SRCIN1: variants seen among roughly 807,000 people sequenced by gnomAD.
SRCIN1 encodes the protein SRC kinase signaling inhibitor 1.
A neutral mutation model predicts 116.2 loss-of-function variants in SRCIN1; 50 were observed. That is an observed-to-expected ratio of 0.43 (90% CI 0.34 to 0.54). SRCIN1 has a LOEUF of 0.54. Ranked by LOEUF, SRCIN1 falls within the 20% of genes least tolerant of loss-of-function variation. The pLI is 0.02. For synonymous variants in SRCIN1, 736 were observed against 750.0 expected (o/e 0.98, Z 0.30); for missense variants, 1,446 against 1,672.0 (o/e 0.86, Z 2.36).
intron 1 of SRCIN1, among the ~76,000 whole-genome samples, chr17:38,583,891 C>T (rs570875403): frequency 1.3e-5 from 2 of 152,308 alleles, no homozygotes; most frequent in African/African-American, 2.4e-5. Context: ...TCCTGAGCAG[C>T]GATGGGCTTG....
chr17:38,533,451 CA>C lies in SRCIN1; in HGVS notation c.3418-21del. 1.9e-6 allele frequency: 3 copies of C among 1,611,008 alleles called. No individual in the cohort carries two copies. The highest frequency in any genetic ancestry group is 8.5e-7 in the Non-Finnish European group (1 of 1,178,688). On this transcript the variant is annotated intron_variant, in intron 18 of 18. Transcript: ENST00000617146. ...AGTGGCCTGGAACAAAAACAGGGGT[CA>C]GGGGTCAGAGAGCGGAAGGGAGCGC...
chr17:38,560,397 T>A lies in SRCIN1; in HGVS notation c.1729A>T (p.Ile577Phe). Residue 577 changes from isoleucine (I) to phenylalanine (F), a missense_variant, in exon 8 of 19, where the codon ATT becomes TTT. By Grantham distance (21) the Ile-to-Phe change is conservative (BLOSUM62 0). Around this residue, in one of 5 missense-constraint regions of SRCIN1, gnomAD observed 398 missense variants for 385.6 expected, o/e 1.03. Transcript: ENST00000617146. ...TGCACCAGGCCTGTGAGGCTGGCAATCTGCTTCTCCATGGCCTCCATGCGC... is the reference window on the plus strand; with the variant it reads ...TGCACCAGGCCTGTGAGGCTGGCAAACTGCTTCTCCATGGCCTCCATGCGC... ...RERMEAMEKQ[I>F]ASLTGLVQSA... 6.2e-7 allele frequency: 1 copy of A among 1,612,098 alleles called. No homozygotes were observed. The highest frequency in any genetic ancestry group is 8.5e-7 in the Non-Finnish European group (1 of 1,179,180).
chr17:38,587,569 C>T (rs1002959122), intron 1 of SRCIN1, among the ~76,000 whole-genome samples: 4 of 152,096 alleles, frequency 2.6e-5, no homozygotes, highest in Non-Finnish European at 4.4e-5. Context: ...AAAGTGGAAC[C>T]CAGGGGTCCT....
At chr17:38,579,825 T>C (rs1438892801) in intron 1 of SRCIN1, among the ~76,000 whole-genome samples, 1 of 152,056 alleles carries the variant, frequency 6.6e-6, no homozygotes, top group Non-Finnish European at 1.5e-5. Context: ...TGGCCAGGGG[T>C]TCCAGAGGTC....
chr17:38,546,794 G>A (rs1905103198), intron 17 of SRCIN1: 1 of 154,434 alleles, frequency 6.5e-6, no homozygotes, highest in African/African-American at 2.4e-5. Flanking sequence ...GGAAACCAAA[G>A]CGCCAACAGG....
intron 18 of SRCIN1, 104 bp downstream of exon 18, chr17:38,543,719 T>C: frequency 1.4e-6 from 2 of 1,470,800 alleles, no homozygotes; most frequent in Non-Finnish European, 1.8e-6. Context: ...GGGAAGAGGT[T>C]GGGAAAGCTG....
intron 7 of SRCIN1, among the ~76,000 whole-genome samples, chr17:38,561,221 T>G (rs2143177979): frequency 6.6e-6 from 1 of 152,278 alleles, no homozygotes; most frequent in South Asian, 2.1e-4. Flanking sequence ...AGTCCTCGTC[T>G]GGGGACCTCT....
intron 18 of SRCIN1, chr17:38,543,015 T>A: frequency 4.4e-6 from 2 of 451,908 alleles, no homozygotes; most frequent in Admixed American, 4.7e-5. Context: ...GCACTAAGGG[T>A]CTCTCACAAC....
rs55974241 is a variant in SRCIN1 at position 38,599,527 on chromosome 17, C to T, written c.22+6157G>A. Reference sequence around the variant, plus strand: ...TAGTCTACGGGTGCTCACAGACCACCGTCATTGAGGTGAAAGATGCAAAAA... The same window carrying T: ...TAGTCTACGGGTGCTCACAGACCACTGTCATTGAGGTGAAAGATGCAAAAA... On this transcript the variant is annotated intron_variant, in intron 1 of 18. Transcript: ENST00000617146. Among the ~76,000 whole-genome samples the T allele has an allele frequency of 8.0e-3, 1,218 of 152,268 alleles. 12 individuals carry two copies. Among genetic ancestry groups the T allele is most frequent in the African/African-American group, 0.027 (1,135 of 41,542 alleles).
rs577554868 is a variant in SRCIN1 at position 38,605,193 on chromosome 17, C to A, written c.22+491G>T. ...CACCACCACCATCCTAGCCCGTGCA[C>A]CCCATTCTGGGAGCTGGGGGAGGGA... On this transcript the variant is annotated intron_variant, in intron 1 of 18. Transcript: ENST00000617146. Among the ~76,000 whole-genome samples the A allele has an allele frequency of 7.9e-5, 12 of 152,110 alleles. No homozygotes were observed. In the East Asian group the frequency reaches 2.1e-3, roughly 27 times the overall value.
chr17:38,534,062 G>A (rs532935450), intron 18 of SRCIN1, among the ~76,000 whole-genome samples: 1 of 152,306 alleles, frequency 6.6e-6, no homozygotes, highest in East Asian at 1.9e-4. Flanking sequence ...TGCATGCCCT[G>A]CAAGCACTTG....
At chr17:38,598,490 T>C (rs1908841820) in intron 1 of SRCIN1, among the ~76,000 whole-genome samples, 1 of 152,056 alleles carries the variant, frequency 6.6e-6, no homozygotes, top group South Asian at 2.1e-4. Context: ...GCTCTTTCTG[T>C]GGGGTCTCTG....
At chr17:38,551,062 C>T (rs916818481) in intron 15 of SRCIN1, 93 bp downstream of exon 15, 2 of 607,204 alleles carry the variant, frequency 3.3e-6, no homozygotes, top group African/African-American at 3.7e-5. Flanking sequence ...CCACAATGAT[C>T]TTGAGATCCC....
At chr17:38,557,962 G>A (rs888907324) in intron 11 of SRCIN1, among the ~76,000 whole-genome samples, 1 of 152,202 alleles carries the variant, frequency 6.6e-6, no homozygotes, top group African/African-American at 2.4e-5. Flanking sequence ...CAGGCCACAG[G>A]AAGCCTGAGT....
At chr17:38,534,626 T>A (rs962243876) in intron 18 of SRCIN1, among the ~76,000 whole-genome samples, 1 of 152,194 alleles carries the variant, frequency 6.6e-6, no homozygotes, top group Non-Finnish European at 1.5e-5. Flanking sequence ...ACCCTGCTGC[T>A]ACGGAGTTTT....
At chr17:38,559,423 A>C (rs1906046179) in intron 10 of SRCIN1, 162 bp downstream of exon 10, 1 of 687,306 alleles carries the variant, frequency 1.5e-6, no homozygotes, top group Non-Finnish European at 2.3e-6. Flanking sequence ...AGAAAGGGGA[A>C]GGGGAGAAAG....
chr17:38,565,997 C>T (rs919257599), intron 3 of SRCIN1, among the ~76,000 whole-genome samples: 1 of 152,052 alleles, frequency 6.6e-6, no homozygotes, highest in Non-Finnish European at 1.5e-5. Context: ...AGCTGAAGGG[C>T]GGGGAGCTCT....
At chr17:38,606,683 T>C (rs763159043), upstream of SRCIN1, among the ~76,000 whole-genome samples, 2 of 152,214 alleles carry the variant, frequency 1.3e-5, no homozygotes, top group Non-Finnish European at 2.9e-5. This position sits in a 1 kb window ranked among gnomAD's most constrained non-coding sequence, Gnocchi z 5.2. Context: ...CTGCCGCCTC[T>C]ACTTCAGCCC....
chr17:38,576,326 G>T (rs577293645), intron 2 of SRCIN1, among the ~76,000 whole-genome samples: 1 of 152,204 alleles, frequency 6.6e-6, no homozygotes, highest in African/African-American at 2.4e-5. Flanking sequence ...ATCCCGGCCA[G>T]TCGCGATGTC....
Sources: allele counts gnomAD v4.1 joint callset (sites outside exome capture counted in the v4.1 genomes callset), GRCh38; gene constraint gnomAD v4.1.1; regional missense constraint gnomAD v4.1.1; non-coding constraint Gnocchi (gnomAD v3.1); transcripts MANE v1.5; gene names NCBI Gene and HGNC (gene_info 2026-07-23, HGNC 2026-07-21).